The following PTPN13 variants were observed in gnomAD, a reference collection of about 807,000 sequenced individuals.
PTPN13 encodes the protein protein tyrosine phosphatase non-receptor type 13.
A neutral mutation model predicts 284.0 loss-of-function variants in PTPN13; 191 were observed. The observed-to-expected ratio is 0.67, with a 90% CI of 0.60 to 0.76. PTPN13 has a LOEUF of 0.76. PTPN13 is among the 30% of genes least tolerant of loss of function. The pLI is 0.00. For missense variants in PTPN13, 2,797 were observed against 2,939.9 expected (o/e 0.95, Z 1.12); for synonymous variants, 986 against 1,022.3 (o/e 0.96, Z 0.68).
chr4:86,769,095 T>C (rs1180783865), intron 28 of PTPN13, among the ~76,000 whole-genome samples: 1 of 152,144 alleles, frequency 6.6e-6, no homozygotes, highest in Non-Finnish European at 1.5e-5. Flanking sequence ...TTTAATTATT[T>C]TCTGGTTATT....
chr4:86,722,327 T>A lies in PTPN13; in HGVS notation c.1501T>A (p.Leu501Met), dbSNP rs750891556. Residue 501 changes from leucine (L) to methionine (M), a missense_variant, in exon 10 of 48, where the codon TTG becomes ATG. Physicochemically the swap from Leu to Met is conservative, Grantham distance 15. Coordinates refer to ENST00000411767, the MANE Select transcript of PTPN13 (RefSeq NM_080683.3). ...QAKMALRQSR[L>M]SLYPGDTIKA... ...CAAAATGGCCCTTAGACAGTCTCGG[T>A]TGAGCCTATATCCAGGAGACACAAT... 2 of 1,613,716 alleles carry A rather than the reference T, an allele frequency of 1.2e-6. No homozygotes were observed. The highest frequency in any genetic ancestry group is 3.3e-5 in the Admixed American group (2 of 59,992).
At chr4:86,810,160 C>T (rs1745069979) in intron 46 of PTPN13, among the ~76,000 whole-genome samples, 176 bp downstream of exon 46, 1 of 152,082 alleles carries the variant, frequency 6.6e-6, no homozygotes, top group Admixed American at 6.5e-5. Context: ...GTATTCAAAA[C>T]TACATAGACC....
intron 1 of PTPN13, among the ~76,000 whole-genome samples, chr4:86,617,016 A>G (rs1212261041): frequency 7.1e-6 from 1 of 140,764 alleles, no homozygotes; most frequent in Non-Finnish European, 1.6e-5. Flanking sequence ...GAGCTTGAGT[A>G]GGAATTTAAA....
At chr4:86,742,360 ATAGT>A (rs1467457556) in intron 16 of PTPN13, among the ~76,000 whole-genome samples, 1 of 152,224 alleles carries the variant, frequency 6.6e-6, no homozygotes, top group African/African-American at 2.4e-5. Context: ...TTTATGGAAG[ATAGT>A]TAGTGATAAA....
chr4:86,671,160 T>G (rs1203369530), intron 2 of PTPN13, among the ~76,000 whole-genome samples: 1 of 152,212 alleles, frequency 6.6e-6, no homozygotes, highest in Non-Finnish European at 1.5e-5. Flanking sequence ...TTTTAGTAGT[T>G]TACTTTTTAA....
intron 2 of PTPN13, among the ~76,000 whole-genome samples, chr4:86,641,929 A>G (rs994075011): frequency 1.3e-5 from 2 of 152,172 alleles, no homozygotes; most frequent in Admixed American, 6.6e-5. Flanking sequence ...AAACTTTATT[A>G]GTCTGTATTC....
At chr4:86,776,421 C>T (rs761752963) in intron 35 of PTPN13, among the ~76,000 whole-genome samples, 1 of 152,190 alleles carries the variant, frequency 6.6e-6, no homozygotes, top group Non-Finnish European at 1.5e-5. Context: ...TATACCACAT[C>T]ACATCACCTA....
intron 10 of PTPN13, among the ~76,000 whole-genome samples, chr4:86,723,733 C>CT (rs1209420180): frequency 6.6e-6 from 1 of 152,120 alleles, no homozygotes. Flanking sequence ...TATTATCATT[C>CT]TTTTTTACTA....
intron 2 of PTPN13, among the ~76,000 whole-genome samples, chr4:86,663,549 G>A (rs777334318): frequency 1.4e-4 from 22 of 152,174 alleles, no homozygotes; most frequent in Non-Finnish European, 2.6e-4. Flanking sequence ...GTGGGAGAAG[G>A]TCAGAGAGTG....
intron 6 of PTPN13, among the ~76,000 whole-genome samples, chr4:86,696,689 A>C (rs904945909): frequency 2.6e-5 from 4 of 152,030 alleles, no homozygotes; most frequent in African/African-American, 7.2e-5. Flanking sequence ...CAAATCCTTA[A>C]GTAGATTGTT....
In PTPN13 at chr4:86,758,756, CA is replaced by C; in HGVS notation, c.3393del (p.Ala1132LeufsTer7). ...ATCAGTTCAGTTGCCCCTGGAGGAC[CA>C]GCTGACTTGGATGGATGCTTGAAGC... ...IFISSVAPGG[P>X]ADLDGCLKPG... On this transcript the variant is annotated frameshift_variant, in exon 22 of 48. Transcript: ENST00000411767. LOFTEE classifies it high-confidence loss of function. The C allele has an allele frequency of 6.2e-7, 1 of 1,613,664 alleles. No individual in the cohort carries two copies. The highest frequency in any genetic ancestry group is 8.5e-7 in the Non-Finnish European group (1 of 1,179,700).
At chr4:86,668,814 C>T (rs1727392257) in intron 2 of PTPN13, among the ~76,000 whole-genome samples, 1 of 147,970 alleles carries the variant, frequency 6.8e-6, no homozygotes, top group Admixed American at 6.8e-5. Flanking sequence ...TCTATGTTGG[C>T]CAGGCTGGTC....
chr4:86,798,495 A>T (rs1262294765), intron 41 of PTPN13, among the ~76,000 whole-genome samples: 1 of 152,200 alleles, frequency 6.6e-6, no homozygotes, highest in Non-Finnish European at 1.5e-5. Flanking sequence ...TCAGGCTTTT[A>T]CGTAATCCTT....
chr4:86,602,587 A>C (rs893815534), intron 1 of PTPN13, among the ~76,000 whole-genome samples: 1 of 152,152 alleles, frequency 6.6e-6, no homozygotes, highest in Non-Finnish European at 1.5e-5. Flanking sequence ...CCTTCCAGTC[A>C]TCGCTTGGGC....
At chr4:86,624,848 C>T (rs966551491) in intron 1 of PTPN13, among the ~76,000 whole-genome samples, 2 of 152,074 alleles carry the variant, frequency 1.3e-5, no homozygotes, top group African/African-American at 4.8e-5. Flanking sequence ...AAAGCTTTAT[C>T]CAAAAATGCA....
At chr4:86,653,540 T>C (rs934823555) in intron 2 of PTPN13, among the ~76,000 whole-genome samples, 1 of 151,684 alleles carries the variant, frequency 6.6e-6, no homozygotes, top group Non-Finnish European at 1.5e-5. Flanking sequence ...TTATTAACCA[T>C]TCACAGAAAA....
chr4:86,790,537 CCACA>C (rs140695478), intron 40 of PTPN13, among the ~76,000 whole-genome samples: 3 of 150,556 alleles, frequency 2.0e-5, no homozygotes, highest in Non-Finnish European at 4.4e-5. Context: ...TTTTTAAGTG[CCACA>C]CACACACACA....
intron 33 of PTPN13, among the ~76,000 whole-genome samples, 170 bp downstream of exon 33, chr4:86,774,701 T>A (rs1229772316): frequency 6.3e-5 from 7 of 110,584 alleles, no homozygotes; most frequent in South Asian, 4.8e-4. Flanking sequence ...GGAAATTATT[T>A]TATATATATA....
chr4:86,760,134 T>A (rs2149240367), intron 23 of PTPN13, among the ~76,000 whole-genome samples: 1 of 152,340 alleles, frequency 6.6e-6, no homozygotes, highest in African/African-American at 2.4e-5. Context: ...ATATTTTGTA[T>A]GTCTGTATAT....
Sources: gnomAD v4.1 joint callset for allele counts (sites outside exome capture counted in the v4.1 genomes callset) on GRCh38, gnomAD v4.1.1 for gene constraint, MANE v1.5 for transcripts, NCBI Gene and HGNC (gene_info 2026-07-23, HGNC 2026-07-21) for gene names.